The following GLRA3 variants were observed in gnomAD, a reference collection of about 807,000 sequenced individuals.
GLRA3 encodes glycine receptor alpha 3.
GLRA3 carries 44 observed loss-of-function variants against 60.4 expected under a neutral mutation model. The ratio of observed to expected loss-of-function variants is 0.73; its 90% confidence interval spans 0.57 to 0.94. GLRA3 has a LOEUF of 0.94. Among genes scored for constraint, GLRA3 ranks in the 40% least tolerant of loss-of-function variants. The probability of loss-of-function intolerance (pLI) is 0.00; values close to 1 mark genes in which losing one functional copy is unlikely to be tolerated. For missense variants in GLRA3, 508 were observed against 564.6 expected (o/e 0.90, Z 1.02); for synonymous variants, 223 against 192.9 (o/e 1.16, Z -1.29).
At chr4:174,745,905 A>T (rs909966530) in intron 3 of GLRA3, among the ~76,000 whole-genome samples, 8 of 152,204 alleles carry the variant, frequency 5.3e-5, no homozygotes, top group Admixed American at 3.9e-4. Context: ...AGTGCTCAAC[A>T]TCACTATCAT....
intron 5 of GLRA3, among the ~76,000 whole-genome samples, chr4:174,693,568 GTA>G (rs1327353200): frequency 1.3e-5 from 2 of 152,080 alleles, no homozygotes; most frequent in African/African-American, 4.8e-5. Context: ...TAGCCTTGTA[GTA>G]TAGTTTAAAG....
At chr4:174,730,652 T>C (rs1561082572) in intron 3 of GLRA3, among the ~76,000 whole-genome samples, 1 of 152,210 alleles carries the variant, frequency 6.6e-6, no homozygotes, top group Non-Finnish European at 1.5e-5. Context: ...ACTTTACAGA[T>C]ACATTTTCAT....
chr4:174,779,190 C>G (rs532643336), intron 2 of GLRA3, among the ~76,000 whole-genome samples: 1 of 152,306 alleles, frequency 6.6e-6, no homozygotes, highest in East Asian at 1.9e-4. Flanking sequence ...GGAGGCACCC[C>G]CCAGCAGGGG....
intron 5 of GLRA3, among the ~76,000 whole-genome samples, chr4:174,685,034 A>G (rs933229030): frequency 6.6e-6 from 1 of 152,026 alleles, no homozygotes; most frequent in Non-Finnish European, 1.5e-5. Flanking sequence ...CAAAGCAAAA[A>G]AAACAAAAAC....
chr4:174,702,109 T>C (rs887268085), intron 5 of GLRA3, among the ~76,000 whole-genome samples: 1 of 152,192 alleles, frequency 6.6e-6, no homozygotes, highest in African/African-American at 2.4e-5. Flanking sequence ...AAATGTTTAA[T>C]GAAAGGAAGA....
rs900972351 is a variant in GLRA3 at position 174,641,924 on chromosome 4, A to C, written c.*1862T>G. ...ATATCTTGCTCTAATCTTTAGAACA[A>C]GAATATGTTTCCATGGTTTTGTTAA... On this transcript the variant is annotated 3_prime_UTR_variant, in exon 10 of 10. Transcript: ENST00000274093. The C allele has an allele frequency of 6.5e-6, 1 of 153,022 alleles. No individual in the cohort carries two copies. Among genetic ancestry groups the C allele is most frequent in the Non-Finnish European group, 1.5e-5 (1 of 68,790 alleles). 9.5% of individuals were successfully genotyped at this position (153,022 alleles called of 1,614,324 possible).
chr4:174,689,771 A>C (rs962612626), intron 5 of GLRA3, among the ~76,000 whole-genome samples: 2 of 147,938 alleles, frequency 1.4e-5, no homozygotes. Context: ...AAAAAAAAAA[A>C]AAAAAAAAAA....
chr4:174,807,275 T>G (rs2111357789), intron 1 of GLRA3, among the ~76,000 whole-genome samples: 1 of 152,162 alleles, frequency 6.6e-6, no homozygotes, highest in South Asian at 2.1e-4. Flanking sequence ...TATGTAAATT[T>G]TTAAATAAAA....
intron 1 of GLRA3, among the ~76,000 whole-genome samples, chr4:174,798,813 A>C (rs930153452): frequency 6.6e-6 from 1 of 152,040 alleles, no homozygotes; most frequent in African/African-American, 2.4e-5. Context: ...AGTCCCAGCT[A>C]CTCGGGAGGC....
chr4:174,797,059 T>C (rs1459162041), intron 1 of GLRA3, among the ~76,000 whole-genome samples: 3 of 152,320 alleles, frequency 2.0e-5, no homozygotes, highest in Admixed American at 2.0e-4. Context: ...TTTGGCAGCC[T>C]ACTCTAAATT....
At chr4:174,689,740 G>A (rs1292361003) in intron 5 of GLRA3, among the ~76,000 whole-genome samples, 1 of 110,618 alleles carries the variant, frequency 9.0e-6, no homozygotes, top group Non-Finnish European at 1.7e-5. Context: ...AAAAGGCACA[G>A]AGTGGTAAGT....
At position 174,656,756 on chromosome 4, in the gene GLRA3, C is replaced by T. The variant is rs142149685; in HGVS notation, c.1103G>A (p.Arg368His). 1,217 of 1,576,006 alleles carry T rather than the reference C, an allele frequency of 7.7e-4. 1 individual carries two copies. The highest frequency in any genetic ancestry group is 6.1e-4 in the Non-Finnish European group (699 of 1,145,832). ...AAGTCAATTTACCATATCTGAGAAA[C>T]GGTAAAACTTCTCCAGTGCAAAAGC... is the stretch of plus-strand genomic sequence containing the variant. ...TEAFALEKFYRFSDMDDEVRE... is the reference protein window; with the variant it reads ...TEAFALEKFYHFSDMDDEVRE... Residue 368 changes from arginine (R) to histidine (H), a missense_variant, in exon 9 of 10, where the codon CGT (arginine) becomes CAT (histidine). Transcript: ENST00000274093.
At chr4:174,684,907 G>A (rs995628178) in intron 5 of GLRA3, among the ~76,000 whole-genome samples, 7 of 152,132 alleles carry the variant, frequency 4.6e-5, no homozygotes, top group African/African-American at 1.4e-4. Flanking sequence ...TACTTGGGAG[G>A]CTGAGGCAGG....
At chr4:174,709,665 T>G (rs1214213251) in intron 5 of GLRA3, among the ~76,000 whole-genome samples, 1 of 152,068 alleles carries the variant, frequency 6.6e-6, no homozygotes, top group African/African-American at 2.4e-5. Context: ...AGCAGTTACA[T>G]GAAACTCTGT....
chr4:174,672,847 G>T (rs890127318), intron 7 of GLRA3, among the ~76,000 whole-genome samples: 24 of 152,052 alleles, frequency 1.6e-4, no homozygotes, highest in African/African-American at 5.6e-4. Context: ...CTAGGGTTTG[G>T]ATAAACTTGA....
chr4:174,784,062 A>C (rs1480450915), intron 2 of GLRA3, among the ~76,000 whole-genome samples: 5 of 149,698 alleles, frequency 3.3e-5, no homozygotes, highest in Non-Finnish European at 7.4e-5. Flanking sequence ...AAGACTTGGA[A>C]CCAACCCAAA....
Position 174,817,307 on chromosome 4 carries a change from G to A in GLRA3, c.71+11434C>T, listed in dbSNP as rs73008396. Among the ~76,000 whole-genome samples, 547 of 152,294 alleles carry A rather than the reference G, an allele frequency of 3.6e-3. 2 individuals carry two copies. The highest frequency in any genetic ancestry group is 0.012 in the African/African-American group (518 of 41,574). On this transcript the variant is annotated intron_variant, in intron 1 of 9. Transcript: ENST00000274093. The stretch of plus-strand genomic sequence containing the variant: ...TCTTCGATCTCAAAGAAGCAATCCC[G>A]CGTTAAGGGTGGCAAAACAAGAGAG...
chr4:174,718,163 A>G (rs1322868100), intron 4 of GLRA3, among the ~76,000 whole-genome samples: 1 of 152,224 alleles, frequency 6.6e-6, no homozygotes, highest in African/African-American at 2.4e-5. Context: ...TTTAAGGTAC[A>G]ATACAATTGC....
Position 174,760,888 on chromosome 4 carries a change from A to G in GLRA3, c.267+6075T>C, listed in dbSNP as rs571129225. Among the ~76,000 whole-genome samples, 8 of 152,300 alleles carry G rather than the reference A, an allele frequency of 5.3e-5. No individual in the cohort carries two copies. In the South Asian group the frequency reaches 1.0e-3, roughly 20 times the overall value. On this transcript the variant is annotated intron_variant, in intron 3 of 9. Coordinates refer to ENST00000274093, the MANE Select transcript of GLRA3 (RefSeq NM_006529.4). ...AAATACTGAAATGAAAATGAAAAAA[A>G]CCTTGTCTACATATACAAGCATGGA...
Sources: gnomAD v4.1 joint callset for allele counts (sites outside exome capture counted in the v4.1 genomes callset) on GRCh38, gnomAD v4.1.1 for gene constraint, MANE v1.5 for transcripts, NCBI Gene and HGNC (gene_info 2026-07-23, HGNC 2026-07-21) for gene names.